Variants in NAV2 observed in about 807,000 individuals in gnomAD.
NAV2 encodes helicase, APC down-regulated 1.
In NAV2, 54 loss-of-function variants were observed where a neutral mutation model predicts 223.2. The observed-to-expected ratio is 0.24, with a 90% confidence interval of 0.19 to 0.30. The LOEUF is 0.30. Ranked by LOEUF, NAV2 falls within the 10% of genes least tolerant of loss-of-function variation. The pLI, the probability that NAV2 is intolerant of heterozygous loss-of-function variation, is 1.00. For missense variants in NAV2, 2,806 were observed against 3,147.5 expected, an observed-to-expected ratio of 0.89 and a Z score of 2.60; for synonymous variants, 1,279 against 1,239.3, an observed-to-expected ratio of 1.03 and a Z score of -0.67.
In NAV2 at chr11:20,045,068, C is replaced by T. The variant is rs1289218119; in HGVS notation, c.3300C>T (p.Asp1100=). 1.1e-5 allele frequency: 18 copies of T among 1,614,012 alleles called. No homozygotes were observed. The highest frequency in any genetic ancestry group is 4.0e-5 in the African/African-American group (3 of 74,898). The stretch of plus-strand genomic sequence containing the variant: ...CAGATGCAGGCCGGAGCAGTGGTGA[C>T]GAATCCAAAAAGCCCCTCCCCAGCA... ...SPSDAGRSSG[D]ESKKPLPSSS... Residue 1100 remains aspartate (D), a synonymous_variant, in exon 14 of 38, where the codon GAC becomes GAT. Coordinates refer to ENST00000349880, the MANE Select transcript of NAV2 (RefSeq NM_145117.5).
At chr11:19,606,428 GC>G (rs1224281117) in intron 1 of NAV2, among the ~76,000 whole-genome samples, 1 of 152,184 alleles carries the variant, frequency 6.6e-6, no homozygotes, top group Non-Finnish European at 1.5e-5. Flanking sequence ...GAGAGTAAGA[GC>G]TTTGACTCAG....
At chr11:19,918,046 C>T (rs1213256938) in intron 6 of NAV2, among the ~76,000 whole-genome samples, 1 of 152,218 alleles carries the variant, frequency 6.6e-6, no homozygotes, top group Non-Finnish European at 1.5e-5. Flanking sequence ...ATGACTCAAC[C>T]TCTCTGAGCC....
rs115267092 is a variant in NAV2, at chr11:19,788,668, C to T, written c.268-43816C>T. On this transcript the variant is annotated intron_variant, in intron 1 of 37. Transcript: ENST00000349880. The stretch of plus-strand genomic sequence containing the variant: ...CATGTCAGTCTGCTCCCTTCCCTCT[C>T]TCTCCTGTACCTCCTTTGGTTGCTC... 3.4e-3 allele frequency among the ~76,000 whole-genome samples: 516 copies of T among 152,306 alleles called. 1 individual carries two copies. The highest frequency in any genetic ancestry group is 0.012 in the African/African-American group (499 of 41,562).
chr11:19,776,554 C>T (rs1171167820), intron 1 of NAV2, among the ~76,000 whole-genome samples: 2 of 141,544 alleles, frequency 1.4e-5, no homozygotes, highest in Non-Finnish European at 1.5e-5. Flanking sequence ...TTGCTGGGAA[C>T]GCAGCGTGTG....
chr11:20,114,728 A>T lies in NAV2; in HGVS notation c.7097A>T (p.Tyr2366Phe), dbSNP rs778751297. ...LRPEDVGFDGYSMPREGSTSK... is the reference protein window; with the variant it reads ...LRPEDVGFDGFSMPREGSTSK... ...CCTGAGGATGTCGGCTTCGACGGCT[A>T]CTCCATGCCTCGGGAGGGATCGACA... The change falls in exon 37 of 38, where the codon TAC becomes TTC. Residue 2366 changes from tyrosine (Y) to phenylalanine (F), a missense_variant. Transcript: ENST00000349880. 38 of 1,613,934 alleles carry T rather than the reference A, an allele frequency of 2.4e-5. No homozygotes were observed. The highest frequency in any genetic ancestry group is 2.3e-5 in the Non-Finnish European group (27 of 1,179,990).
intron 1 of NAV2, among the ~76,000 whole-genome samples, chr11:19,407,372 C>T (rs1271546440): frequency 6.6e-6 from 1 of 152,126 alleles, no homozygotes; most frequent in Non-Finnish European, 1.5e-5. Context: ...AAAAGACTTC[C>T]TGGAGGAAGC....
chr11:19,938,916 G>A (rs1423219214), intron 7 of NAV2, among the ~76,000 whole-genome samples: 1 of 152,222 alleles, frequency 6.6e-6, no homozygotes, highest in Non-Finnish European at 1.5e-5. Context: ...CAGCATGCCA[G>A]TGCGTTAATA....
At chr11:19,784,725 T>C (rs2056982878) in intron 1 of NAV2, among the ~76,000 whole-genome samples, 1 of 152,222 alleles carries the variant, frequency 6.6e-6, no homozygotes, top group South Asian at 2.1e-4. Flanking sequence ...GTTCCACCAC[T>C]ATCTGTGAGA....
chr11:19,572,258 C>T (rs1014934895), intron 1 of NAV2, among the ~76,000 whole-genome samples: 2 of 152,220 alleles, frequency 1.3e-5, no homozygotes, highest in Non-Finnish European at 2.9e-5. Flanking sequence ...GGGTCCGTGT[C>T]GCTGAACTCT....
intron 1 of NAV2, among the ~76,000 whole-genome samples, chr11:19,584,310 T>C (rs2045822819): frequency 6.6e-6 from 1 of 152,214 alleles, no homozygotes; most frequent in African/African-American, 2.4e-5. Flanking sequence ...TCGATTTTAT[T>C]GATCTTTGCA....
At chr11:19,722,291 C>T (rs9667610) in intron 1 of NAV2, among the ~76,000 whole-genome samples, 42,288 of 151,332 alleles carry the variant, frequency 0.28, 6,023 homozygotes, top group Middle Eastern at 0.35. Context: ...GTTGCAAATA[C>T]AAAATAAATT....
At chr11:20,014,040 C>T (rs914160713) in intron 11 of NAV2, among the ~76,000 whole-genome samples, 1 of 152,200 alleles carries the variant, frequency 6.6e-6, no homozygotes, top group Non-Finnish European at 1.5e-5. Context: ...GCTGCATGAC[C>T]GGGGCCAGTG....
intron 22 of NAV2, among the ~76,000 whole-genome samples, chr11:20,072,619 G>A: frequency 6.6e-6 from 1 of 152,120 alleles, no homozygotes. Context: ...CTTGAGCAGT[G>A]GTTTGTAGTT....
rs77436450 is a variant in NAV2, at chr11:19,972,384, A to G, written c.2646-11741A>G. ...GGATTCAATGGCTGCTAATTTGAGC[A>G]TCCGATAGTCACCTAGTTTTGCTTA... is the stretch of plus-strand genomic sequence containing the variant. On this transcript the variant is annotated intron_variant, in intron 10 of 37. Transcript: ENST00000349880. Among the ~76,000 whole-genome samples, 666 of 152,298 alleles carry G rather than the reference A, an allele frequency of 4.4e-3. 3 individuals are homozygous for G. The highest frequency in any genetic ancestry group is 0.014 in the African/African-American group (572 of 41,566).
chr11:19,500,499 G>T (rs1005772388), intron 1 of NAV2, among the ~76,000 whole-genome samples: 4 of 152,176 alleles, frequency 2.6e-5, no homozygotes, highest in Non-Finnish European at 4.4e-5. Flanking sequence ...GTGTCCTGAA[G>T]AAATGATTAA....
At chr11:19,681,712 C>T (rs2048884707) in intron 1 of NAV2, among the ~76,000 whole-genome samples, 1 of 152,164 alleles carries the variant, frequency 6.6e-6, no homozygotes, top group South Asian at 2.1e-4. Context: ...GGAAATCTCT[C>T]TATACAGAAC....
chr11:19,398,248 G>A (rs1302875981), intron 1 of NAV2, among the ~76,000 whole-genome samples: 1 of 152,130 alleles, frequency 6.6e-6, no homozygotes, highest in East Asian at 1.9e-4. Context: ...GAGCAAGAGA[G>A]AGAGAGCAAG....
chr11:19,764,475 A>G (rs1239998644), intron 1 of NAV2, among the ~76,000 whole-genome samples: 1 of 152,216 alleles, frequency 6.6e-6, no homozygotes, highest in African/African-American at 2.4e-5. Context: ...TCCCAAGTAG[A>G]CACAGATGTA....
chr11:20,050,836 T>C (rs4757886), intron 16 of NAV2, among the ~76,000 whole-genome samples: 150,933 of 152,312 alleles, frequency 0.99, 74,797 homozygotes, highest in East Asian at 1. Flanking sequence ...CCAACAAGTC[T>C]GTTCTCCCAT....
Sources: allele counts gnomAD v4.1 joint callset (sites outside exome capture counted in the v4.1 genomes callset), GRCh38; gene constraint gnomAD v4.1.1; transcripts MANE v1.5; gene names NCBI Gene and HGNC (gene_info 2026-07-23, HGNC 2026-07-21).